The following CCDC73 variants were observed in gnomAD, a reference collection of about 807,000 sequenced individuals.
CCDC73 encodes coiled-coil domain containing 73.
CCDC73 carries 95 observed loss-of-function variants against 116.5 expected under a neutral mutation model. That is an observed-to-expected ratio of 0.82 (90% CI 0.69 to 0.97). The LOEUF is 0.97. Ranked by LOEUF, CCDC73 falls within the 50% of genes least tolerant of loss-of-function variation. CCDC73 has a pLI of 0.00. For missense variants in CCDC73, 1,066 were observed against 1,206.8 expected (o/e 0.88, Z 1.73); for synonymous variants, 398 against 401.3 (o/e 0.99, Z 0.10).
intron 2 of CCDC73, among the ~76,000 whole-genome samples, chr11:32,750,942 T>C (rs1248062958): frequency 6.6e-6 from 1 of 152,164 alleles, no homozygotes; most frequent in African/African-American, 2.4e-5. Flanking sequence ...CCAGCATGTC[T>C]GAGTCTCACC....
At chr11:32,796,575 T>C (rs189476361), upstream of CCDC73, among the ~76,000 whole-genome samples, 3 of 152,302 alleles carry the variant, frequency 2.0e-5, no homozygotes, top group Non-Finnish European at 1.5e-5. Context: ...ATTTCCCCAA[T>C]GATCAGTGCT....
chr11:32,717,404 A>G (rs1255134526), intron 3 of CCDC73, among the ~76,000 whole-genome samples: 1 of 152,170 alleles, frequency 6.6e-6, no homozygotes, highest in African/African-American at 2.4e-5. Flanking sequence ...ATGAGGTTTC[A>G]TTGTTTTCAA....
chr11:32,746,571 C>T lies in CCDC73; in HGVS notation c.135+13538G>A, dbSNP rs189326515. ...GTCACTTTCAGGTACACCAATCAAA[C>T]GTAGATTTGGTCTTTTCACATAGTC... On this transcript the variant is annotated intron_variant, in intron 2 of 17. Transcript: ENST00000335185. 2.6e-3 allele frequency among the ~76,000 whole-genome samples: 401 copies of T among 152,274 alleles called. 9 individuals carry two copies. Among genetic ancestry groups the T allele is most frequent in the Admixed American group, 0.022 (343 of 15,296 alleles).
At chr11:32,641,188 A>G (rs1378561247) in intron 13 of CCDC73, among the ~76,000 whole-genome samples, 1 of 152,186 alleles carries the variant, frequency 6.6e-6, no homozygotes, top group Non-Finnish European at 1.5e-5. Context: ...AATTAGCACA[A>G]TAGTCTAAAA....
At chr11:32,658,619 A>G (rs1377823414) in intron 9 of CCDC73, among the ~76,000 whole-genome samples, 1 of 152,224 alleles carries the variant, frequency 6.6e-6, no homozygotes, top group Non-Finnish European at 1.5e-5. Context: ...TCAGGCACAT[A>G]GAAGTTAAAT....
chr11:32,612,923 ATCTC>A (rs1855434984), intron 16 of CCDC73, among the ~76,000 whole-genome samples: 2 of 152,132 alleles, frequency 1.3e-5, no homozygotes, highest in African/African-American at 4.8e-5. Context: ...AGACAGAACA[ATCTC>A]TCTATTCTCT....
chr11:32,698,010 AATTTTTTTTTTT>A lies in CCDC73; in HGVS notation c.390+1229_390+1240del, dbSNP rs1351229973. ...TCTGTTGTTTCTTTGTCTAACACTG[AATTTTTTTTTTT>A]TTTTTTTTTTTTTTTTTTTTGAGAC... On this transcript the variant is annotated intron_variant, in intron 6 of 17. Transcript: ENST00000335185. Among the ~76,000 whole-genome samples, 148 of 117,728 alleles carry A rather than the reference AATTTTTTTTTTT, an allele frequency of 1.3e-3. 12 individuals are homozygous for A. The highest frequency in any genetic ancestry group is 7.4e-3 in the East Asian group (30 of 4,046). The allele number at this position is 117,728 out of a possible 152,430, so 77.2% of individuals were successfully genotyped here.
chr11:32,741,497 T>C (rs1832152034), intron 2 of CCDC73, among the ~76,000 whole-genome samples: 1 of 152,172 alleles, frequency 6.6e-6, no homozygotes, highest in African/African-American at 2.4e-5. Context: ...TAAATATAGC[T>C]ACTCCTGCTC....
chr11:32,812,201 T>C, the CCDC73 span, among the ~76,000 whole-genome samples: 1 of 152,236 alleles, frequency 6.6e-6, no homozygotes, highest in Non-Finnish European at 1.5e-5. Flanking sequence ...TCATTTCTTC[T>C]CATCAACAGT....
intron 6 of CCDC73, among the ~76,000 whole-genome samples, chr11:32,689,727 T>C (rs1299659387): frequency 6.6e-6 from 1 of 151,908 alleles, no homozygotes; most frequent in Non-Finnish European, 1.5e-5. Flanking sequence ...CTAAGAAAAT[T>C]ACTCACGGCT....
At chr11:32,610,203 C>T (rs1855407825) in intron 17 of CCDC73, among the ~76,000 whole-genome samples, 1 of 152,058 alleles carries the variant, frequency 6.6e-6, no homozygotes, top group African/African-American at 2.4e-5. Context: ...ATGAGAATAG[C>T]ACAGGAAAGA....
chr11:32,776,932 AAAAAATAT>A (rs1221785975), intron 1 of CCDC73, among the ~76,000 whole-genome samples: 10 of 27,974 alleles, frequency 3.6e-4, no homozygotes, highest in Non-Finnish European at 6.3e-4. Flanking sequence ...GGTTAAAAAA[AAAAAATAT>A]ATATATATAT....
At chr11:32,803,069 T>A in the CCDC73 span, among the ~76,000 whole-genome samples, 818 of 148,114 alleles carry the variant, frequency 5.5e-3, 6 homozygotes, top group Non-Finnish European at 7.7e-3. Flanking sequence ...GCCATCGTAT[T>A]TACCATAAGG....
chr11:32,662,405 T>G (rs1323400832), intron 9 of CCDC73, among the ~76,000 whole-genome samples: 1 of 152,218 alleles, frequency 6.6e-6, no homozygotes, highest in Non-Finnish European at 1.5e-5. Flanking sequence ...TATCTCATTG[T>G]GGTTTTGATT....
intron 3 of CCDC73, among the ~76,000 whole-genome samples, chr11:32,713,139 A>G (rs1849916621): frequency 6.6e-6 from 1 of 152,086 alleles, no homozygotes; most frequent in Admixed American, 6.6e-5. Flanking sequence ...ATTTACATGT[A>G]ATCTTGTTTG....
intron 1 of CCDC73, among the ~76,000 whole-genome samples, chr11:32,762,290 G>T (rs1850399042): frequency 2.0e-5 from 3 of 152,116 alleles, no homozygotes; most frequent in African/African-American, 7.2e-5. Flanking sequence ...AGACTGAAAA[G>T]ATAATAAAAA....
At chr11:32,648,756 G>A (rs1465146057) in intron 12 of CCDC73, among the ~76,000 whole-genome samples, 2 of 152,116 alleles carry the variant, frequency 1.3e-5, no homozygotes, top group East Asian at 3.9e-4. Context: ...TCACCATGTT[G>A]GTCAGGCTGG....
chr11:32,709,114 G>A (rs1300016693), intron 3 of CCDC73, among the ~76,000 whole-genome samples: 3 of 152,092 alleles, frequency 2.0e-5, no homozygotes, highest in African/African-American at 7.2e-5. Context: ...AATCATAAAG[G>A]GATGCTGGAT....
chr11:32,698,701 G>A (rs1309570176), intron 6 of CCDC73, among the ~76,000 whole-genome samples: 1 of 152,144 alleles, frequency 6.6e-6, no homozygotes, highest in Non-Finnish European at 1.5e-5. Flanking sequence ...CTTCACAAGG[G>A]CAGAGATTTT....
Sources: allele counts gnomAD v4.1 joint callset (sites outside exome capture counted in the v4.1 genomes callset), GRCh38; gene constraint gnomAD v4.1.1; transcripts MANE v1.5; gene names NCBI Gene and HGNC (gene_info 2026-07-23, HGNC 2026-07-21).